Variants in ZCCHC14 observed in about 807,000 individuals in gnomAD.
ZCCHC14 encodes zinc finger CCHC-type containing 14.
A neutral mutation model predicts 85.0 loss-of-function variants in ZCCHC14; 16 were observed. That is an observed-to-expected ratio of 0.19 (90% CI 0.13 to 0.29). The LOEUF (loss-of-function observed/expected upper bound fraction) is 0.29, where lower values mean the gene tolerates loss of function less well. ZCCHC14 is among the 10% of genes least tolerant of loss of function. The probability of loss-of-function intolerance (pLI) is 1.00; values close to 1 mark genes in which losing one functional copy is unlikely to be tolerated. For synonymous variants in ZCCHC14, 775 were observed against 630.7 expected, an observed-to-expected ratio of 1.23 and a Z score of -3.43; for missense variants, 1,303 against 1,443.5, an observed-to-expected ratio of 0.90 and a Z score of 1.58.
intron 3 of ZCCHC14, among the ~76,000 whole-genome samples, chr16:87,432,862 G>A (rs1909730783): frequency 6.6e-6 from 1 of 152,070 alleles, no homozygotes; most frequent in South Asian, 2.1e-4. Context: ...CTGCTATTTA[G>A]CCCCCTGAGG....
intron 1 of ZCCHC14, among the ~76,000 whole-genome samples, chr16:87,468,156 G>A (rs1597445172): frequency 6.6e-6 from 1 of 152,196 alleles, no homozygotes; most frequent in East Asian, 1.9e-4. Context: ...AAAGATTCAT[G>A]TGTTTTTTTA....
intron 9 of ZCCHC14, 124 bp from the exon 10 acceptor site, chr16:87,414,665 G>A: frequency 7.5e-7 from 1 of 1,332,674 alleles, no homozygotes; most frequent in Non-Finnish European, 1.0e-6. Context: ...TTCGAGATGG[G>A]TCTACTCCAC....
intron 1 of ZCCHC14, among the ~76,000 whole-genome samples, chr16:87,479,910 G>A (rs1284029375): frequency 1.3e-5 from 2 of 151,780 alleles, no homozygotes; most frequent in Non-Finnish European, 2.9e-5. Flanking sequence ...CCCAATGAAA[G>A]CTTTTGTATG....
chr16:87,430,662 C>A (rs565036267), intron 3 of ZCCHC14, among the ~76,000 whole-genome samples: 1 of 152,096 alleles, frequency 6.6e-6, no homozygotes, highest in African/African-American at 2.4e-5. Context: ...GCTGGGACTA[C>A]GGGTGCCCGC....
intron 7 of ZCCHC14, 53 bp from the exon 8 acceptor site, chr16:87,417,795 A>T: frequency 6.6e-7 from 1 of 1,505,682 alleles, no homozygotes; most frequent in South Asian, 1.3e-5. Flanking sequence ...CCACAACCAC[A>T]GACTCCACCA....
chr16:87,489,839 A>G (rs529634292), intron 1 of ZCCHC14, among the ~76,000 whole-genome samples: 3 of 152,346 alleles, frequency 2.0e-5, no homozygotes, highest in South Asian at 2.1e-4. Context: ...CTGTCTGCAT[A>G]AAGTGAGGCA....
At chr16:87,430,340 G>A (rs1204012390) in intron 3 of ZCCHC14, among the ~76,000 whole-genome samples, 1 of 152,114 alleles carries the variant, frequency 6.6e-6, no homozygotes, top group Admixed American at 6.5e-5. Flanking sequence ...CTGTGCGTGT[G>A]AGTCTGTCTG....
chr16:87,434,308 C>T (rs1242265313), intron 2 of ZCCHC14, among the ~76,000 whole-genome samples: 2 of 152,246 alleles, frequency 1.3e-5, no homozygotes, highest in Non-Finnish European at 2.9e-5. Context: ...GGCAGGCCTG[C>T]CCCGCTGATC....
intron 4 of ZCCHC14, among the ~76,000 whole-genome samples, chr16:87,422,392 G>A (rs1451621893): frequency 6.6e-6 from 1 of 152,132 alleles, no homozygotes; most frequent in Admixed American, 6.5e-5. Context: ...AGGGGAGGAT[G>A]CGGCAGAAGA....
chr16:87,458,684 G>A lies in ZCCHC14; in HGVS notation c.694+1324C>T, dbSNP rs527911228. The stretch of plus-strand genomic sequence containing the variant: ...ATGAAGCCTGTGGAAGGCACGAAGC[G>A]CCGTGCCAGGGACGGGGACGGTGCG... On this transcript the variant is annotated intron_variant, in intron 2 of 12. Transcript: ENST00000671377. 3.3e-5 allele frequency among the ~76,000 whole-genome samples: 5 copies of A among 152,312 alleles called. No individual in the cohort carries two copies. In the East Asian group the frequency reaches 5.8e-4, roughly 18 times the overall value.
rs146751448 is a variant in ZCCHC14, at chr16:87,482,657, T to C, written c.570+9012A>G. Among the ~76,000 whole-genome samples, 573 of 152,296 alleles carry C rather than the reference T, an allele frequency of 3.8e-3. 5 individuals carry two copies. The highest frequency in any genetic ancestry group is 0.013 in the African/African-American group (561 of 41,556). On this transcript the variant is annotated intron_variant, in intron 1 of 12. Coordinates refer to ENST00000671377, the MANE Select transcript of ZCCHC14 (RefSeq NM_015144.3). Reference sequence around the variant, plus strand: ...GAGGTCATATGGATGGAGACATCCATGAAGCAGAACGCAGGGTCCAGAAGT... The same window carrying C: ...GAGGTCATATGGATGGAGACATCCACGAAGCAGAACGCAGGGTCCAGAAGT...
intron 2 of ZCCHC14, among the ~76,000 whole-genome samples, chr16:87,458,926 G>A (rs1300816655): frequency 6.6e-6 from 1 of 152,134 alleles, no homozygotes; most frequent in Non-Finnish European, 1.5e-5. Context: ...CACTACTGAC[G>A]ATTCTGCAAA....
chr16:87,422,808 T>C (rs1421228823), intron 4 of ZCCHC14, among the ~76,000 whole-genome samples: 1 of 148,234 alleles, frequency 6.7e-6, no homozygotes, highest in African/African-American at 2.5e-5. Flanking sequence ...CCGGCAGGAG[T>C]GGAGTCCAGG....
chr16:87,414,680 C>T (rs983935926), intron 9 of ZCCHC14, 139 bp from the exon 10 acceptor site: 52 of 1,203,242 alleles, frequency 4.3e-5, no homozygotes, highest in Non-Finnish European at 5.6e-5. Context: ...CTCCACACCA[C>T]AGGGAAATTC....
intron 9 of ZCCHC14, 47 bp downstream of exon 9, chr16:87,415,229 C>T (rs764196440): frequency 1.4e-5 from 22 of 1,579,234 alleles, no homozygotes; most frequent in Middle Eastern, 1.7e-4. Flanking sequence ...ATTCGGCACA[C>T]GAGAAATGGA....
intron 1 of ZCCHC14, among the ~76,000 whole-genome samples, chr16:87,481,057 G>C (rs1287102493): frequency 6.6e-6 from 1 of 152,148 alleles, no homozygotes; most frequent in Admixed American, 6.5e-5. Context: ...ATGACACAAG[G>C]GAACTGATGT....
intron 2 of ZCCHC14, among the ~76,000 whole-genome samples, chr16:87,445,848 T>G (rs1034710597): frequency 2.6e-5 from 4 of 152,214 alleles, no homozygotes; most frequent in African/African-American, 9.6e-5. Flanking sequence ...TAATGATTGT[T>G]GAGGGAAAAC....
intron 1 of ZCCHC14, chr16:87,472,028 C>T (rs1013530852): frequency 1.3e-5 from 2 of 152,238 alleles, no homozygotes; most frequent in East Asian, 3.9e-4. Flanking sequence ...AACTACTACC[C>T]TCCACTAAAA....
chr16:87,488,920 T>C (rs1416252170), intron 1 of ZCCHC14, among the ~76,000 whole-genome samples: 2 of 151,868 alleles, frequency 1.3e-5, no homozygotes, highest in African/African-American at 2.4e-5. Flanking sequence ...TAAAAAGCCA[T>C]TGACATTTGT....
Sources: allele counts gnomAD v4.1 joint callset (sites outside exome capture counted in the v4.1 genomes callset), GRCh38; gene constraint gnomAD v4.1.1; transcripts MANE v1.5; gene names NCBI Gene and HGNC (gene_info 2026-07-23, HGNC 2026-07-21).